Variants in CASQ2 observed in about 807,000 individuals in gnomAD.
CASQ2 encodes calsequestrin-2.
A neutral mutation model predicts 46.5 loss-of-function variants in CASQ2; 49 were observed. That is an observed-to-expected ratio of 1.05 (90% CI 0.84 to 1.34). The LOEUF (loss-of-function observed/expected upper bound fraction) is 1.34, where lower values mean the gene tolerates loss of function less well. Ranked by LOEUF, CASQ2 falls within the 40% of genes most tolerant of loss-of-function variation. The pLI, the probability that CASQ2 is intolerant of heterozygous loss-of-function variation, is 0.00. For synonymous variants in CASQ2, 174 were observed against 168.5 expected (o/e 1.03, Z -0.25); for missense variants, 486 against 481.3 (o/e 1.01, Z -0.09).
At chr1:115,710,524 C>T (rs532520594) in intron 8 of CASQ2, among the ~76,000 whole-genome samples, 2 of 152,286 alleles carry the variant, frequency 1.3e-5, no homozygotes, top group African/African-American at 2.4e-5. Context: ...AGTGTGAAAG[C>T]TTCAACATCA....
chr1:115,768,251 G>A (rs576357417), intron 1 of CASQ2, 57 bp downstream of exon 1: 4 of 1,117,862 alleles, frequency 3.6e-6, no homozygotes, highest in Middle Eastern at 3.9e-4. Flanking sequence ...CTGGCCAAAG[G>A]CATTCCCTCG....
At chr1:115,705,469 A>G (rs1654331324) in intron 8 of CASQ2, among the ~76,000 whole-genome samples, 177 bp from the exon 9 acceptor site, 1 of 152,220 alleles carries the variant, frequency 6.6e-6, no homozygotes, top group Non-Finnish European at 1.5e-5. Flanking sequence ...CAGATTATAC[A>G]AAGGAAACAA....
At chr1:115,711,938 G>T (rs1396574175) in intron 8 of CASQ2, among the ~76,000 whole-genome samples, 2 of 151,968 alleles carry the variant, frequency 1.3e-5, no homozygotes, top group East Asian at 3.9e-4. Context: ...AGGCGTAAGG[G>T]TTTTGTTTGT....
At chr1:115,754,389 G>T (rs911757673) in intron 1 of CASQ2, among the ~76,000 whole-genome samples, 1 of 152,166 alleles carries the variant, frequency 6.6e-6, no homozygotes, top group South Asian at 2.1e-4. Context: ...AAGGGAAGAT[G>T]CTATGTATTT....
intron 8 of CASQ2, among the ~76,000 whole-genome samples, chr1:115,717,589 T>C (rs1409048077): frequency 6.6e-6 from 1 of 152,252 alleles, no homozygotes; most frequent in Non-Finnish European, 1.5e-5. Flanking sequence ...CTCAGTGTGT[T>C]GGTCCATTGC....
In CASQ2 at chr1:115,738,330, A is replaced by G. The variant is rs1262613645; in HGVS notation, c.426T>C (p.Ile142=). ...TGCTGATGATCTCCACTGGGTCTTC[A>G]ATTAGCTGAAATGCCACACGCACAT... ...DVLVEFLLDL[I]EDPVEIISSK... Residue 142 remains isoleucine (I), a synonymous_variant, in exon 4 of 11, where the codon ATT becomes ATC. Coordinates refer to ENST00000261448, the MANE Select transcript of CASQ2 (RefSeq NM_001232.4). 6.3e-6 allele frequency: 10 copies of G among 1,589,700 alleles called. No individual in the cohort carries two copies. Among genetic ancestry groups the G allele is most frequent in the Non-Finnish European group, 8.6e-6 (10 of 1,157,672 alleles).
At chr1:115,735,089 T>C (rs189468189) in intron 4 of CASQ2, among the ~76,000 whole-genome samples, 63 of 152,352 alleles carry the variant, frequency 4.1e-4, no homozygotes, top group African/African-American at 1.5e-3. Context: ...GACAAGAAAG[T>C]GTAAAGGCTT....
Position 115,701,417 on chromosome 1 carries a change from C to T in CASQ2, c.1024G>A (p.Val342Ile). The T allele has an allele frequency of 1.2e-6, 2 of 1,609,648 alleles. No individual in the cohort carries two copies. The highest frequency in any genetic ancestry group is 1.7e-4 in the Middle Eastern group (1 of 6,058). The change falls in exon 11 of 11, where the codon GTC becomes ATC. Residue 342 changes from valine to isoleucine, a missense_variant. By Grantham distance (29) the Val-to-Ile change is conservative (BLOSUM62 3). Transcript: ENST00000261448. ...GVVNVTDADSVWMEIPDDDDL... is the reference protein window; with the variant it reads ...GVVNVTDADSIWMEIPDDDDL... ...TCATCATCTGGAATCTCCATCCAGA[C>T]ACTGTCAGCCTGCAGTGAGGGACAA... is the stretch of plus-strand genomic sequence containing the variant.
At chr1:115,747,261 T>A (rs1648421534) in intron 1 of CASQ2, among the ~76,000 whole-genome samples, 1 of 152,212 alleles carries the variant, frequency 6.6e-6, no homozygotes, top group Non-Finnish European at 1.5e-5. Context: ...CTTTTGTAAC[T>A]TTGTCAAAAA....
At chr1:115,718,013 C>A (rs1049180437) in intron 7 of CASQ2, 119 bp from the exon 8 acceptor site, 2 of 764,288 alleles carry the variant, frequency 2.6e-6, no homozygotes, top group Non-Finnish European at 4.7e-6. Context: ...GGTGTGGAAG[C>A]GGGGATGAAC....
Position 115,740,843 on chromosome 1 carries a change from G to A in CASQ2, c.320-15C>T. ...TTCATCAAAACCTGTAAGAAACAAA[G>A]AGGCCCACAGAGAAGGTCATCCTGA... On this transcript the variant is annotated splice_polypyrimidine_tract_variant and intron_variant, in intron 2 of 10. Transcript: ENST00000261448. 1 of 1,531,612 alleles carries A rather than the reference G, an allele frequency of 6.5e-7. No homozygotes were observed. The highest frequency in any genetic ancestry group is 1.7e-4 in the Middle Eastern group (1 of 5,924). 94.9% of individuals were successfully genotyped at this position (1,531,612 alleles called of 1,614,324 possible).
chr1:115,749,638 A>C (rs1404693825), intron 1 of CASQ2, among the ~76,000 whole-genome samples: 1 of 152,190 alleles, frequency 6.6e-6, no homozygotes, highest in African/African-American at 2.4e-5. Context: ...CACTGCCGCC[A>C]GTCCTAGCAA....
chr1:115,721,826 C>T (rs1373779753), intron 7 of CASQ2, among the ~76,000 whole-genome samples: 2 of 152,226 alleles, frequency 1.3e-5, no homozygotes, highest in Non-Finnish European at 2.9e-5. Flanking sequence ...CCACCTCAGC[C>T]TCCCAAAGTG....
At chr1:115,704,773 A>G (rs1249701115) in intron 9 of CASQ2, among the ~76,000 whole-genome samples, 2 of 152,172 alleles carry the variant, frequency 1.3e-5, no homozygotes, top group Non-Finnish European at 2.9e-5. Context: ...CTTTCTCTCC[A>G]CAAAGTTCTG....
chr1:115,740,696 TCC>T, intron 3 of CASQ2, 30 bp downstream of exon 3: 1 of 1,330,954 alleles, frequency 7.5e-7, no homozygotes, highest in Non-Finnish European at 1.1e-6. Context: ...GAGAGGCAGC[TCC>T]ATGCAGGGTC....
intron 7 of CASQ2, among the ~76,000 whole-genome samples, chr1:115,722,113 T>C (rs990614964): frequency 1.3e-5 from 2 of 152,172 alleles, no homozygotes; most frequent in African/African-American, 2.4e-5. Flanking sequence ...TTCCCCCTAG[T>C]TGGAGACTTG....
At chr1:115,715,569 A>G (rs1473079675) in intron 8 of CASQ2, among the ~76,000 whole-genome samples, 6 of 152,186 alleles carry the variant, frequency 3.9e-5, no homozygotes, top group Non-Finnish European at 7.3e-5. Flanking sequence ...AATGGGAGTG[A>G]CTGCTAATGG....
intron 1 of CASQ2, among the ~76,000 whole-genome samples, chr1:115,764,329 G>A (rs1450564179): frequency 1.3e-5 from 2 of 152,020 alleles, no homozygotes; most frequent in Non-Finnish European, 2.9e-5. Flanking sequence ...ATATATGGAT[G>A]TGAAAAAAAG....
At chr1:115,737,927 G>C (rs142404035) in intron 4 of CASQ2, among the ~76,000 whole-genome samples, 1 of 152,196 alleles carries the variant, frequency 6.6e-6, no homozygotes, top group Non-Finnish European at 1.5e-5. Flanking sequence ...GGGAGAATCC[G>C]ACTGGGAGGT....
Sources: allele counts gnomAD v4.1 joint callset (sites outside exome capture counted in the v4.1 genomes callset), GRCh38; gene constraint gnomAD v4.1.1; transcripts MANE v1.5; gene names NCBI Gene and HGNC (gene_info 2026-07-23, HGNC 2026-07-21).